Variants in C12orf42 observed in about 807,000 individuals in gnomAD.
C12orf42 encodes chromosome 12 open reading frame 42.
A neutral mutation model predicts 21.6 loss-of-function variants in C12orf42; 25 were observed. The ratio of observed to expected loss-of-function variants is 1.16; its 90% CI spans 0.84 to 1.62. The LOEUF is 1.62. Ranked by LOEUF, C12orf42 falls within the 40% of genes most tolerant of loss-of-function variation. The pLI is 0.00. For missense variants in C12orf42, 483 were observed against 459.3 expected (o/e 1.05, Z -0.47); for synonymous variants, 174 against 175.0 (o/e 0.99, Z 0.05).
chr12:103,291,549 G>C (rs1018769201), intron 4 of C12orf42, among the ~76,000 whole-genome samples: 4 of 152,148 alleles, frequency 2.6e-5, no homozygotes, highest in African/African-American at 4.8e-5. Flanking sequence ...TAGCTGACTA[G>C]CTATACTTAA....
chr12:103,066,600 G>T, the C12orf42 span, among the ~76,000 whole-genome samples: 1 of 152,218 alleles, frequency 6.6e-6, no homozygotes, highest in African/African-American at 2.4e-5. Flanking sequence ...CCAGTGGGCA[G>T]AACTTTGAGC....
At chr12:103,301,907 A>C, downstream of C12orf42, 1 of 614,050 alleles carries the variant, frequency 1.6e-6, no homozygotes, top group Non-Finnish European at 2.7e-6. Flanking sequence ...CGCAGAACAA[A>C]AATACTATTA....
chr12:103,390,773 G>A (rs552453000), intron 3 of C12orf42, among the ~76,000 whole-genome samples: 1 of 152,250 alleles, frequency 6.6e-6, no homozygotes, highest in East Asian at 1.9e-4. Flanking sequence ...CGCAAGAGAT[G>A]ACATCTTAGT....
the C12orf42 span, among the ~76,000 whole-genome samples, chr12:103,535,333 C>A: frequency 2.6e-5 from 4 of 151,838 alleles, no homozygotes; most frequent in Non-Finnish European, 5.9e-5. Flanking sequence ...ACAAGCATAA[C>A]TTATATTAGA....
the C12orf42 span, among the ~76,000 whole-genome samples, chr12:103,168,834 A>G: frequency 6.6e-6 from 1 of 152,190 alleles, no homozygotes; most frequent in Non-Finnish European, 1.5e-5. Context: ...GCAGCCATAA[A>G]AAAGAATGAG....
At chr12:103,527,482 A>G in the C12orf42 span, among the ~76,000 whole-genome samples, 1 of 152,182 alleles carries the variant, frequency 6.6e-6, no homozygotes, top group Non-Finnish European at 1.5e-5. Flanking sequence ...TAGAGCTTCT[A>G]CAGAAACCAA....
chr12:103,415,580 C>T (rs1205902897), intron 2 of C12orf42, among the ~76,000 whole-genome samples: 2 of 152,154 alleles, frequency 1.3e-5, no homozygotes, highest in Non-Finnish European at 2.9e-5. Flanking sequence ...ACCAAGAACA[C>T]TCTCAGATCA....
the C12orf42 span, among the ~76,000 whole-genome samples, chr12:103,230,428 G>C: frequency 6.6e-6 from 1 of 152,184 alleles, no homozygotes; most frequent in South Asian, 2.1e-4. Context: ...ATGAAATATA[G>C]TCATGGATGT....
In C12orf42 at chr12:103,303,158, T is replaced by A. The variant is rs534268342; in HGVS notation, c.632-599A>T. On this transcript the variant is annotated intron_variant, in intron 5 of 5. Transcript: ENST00000548883. Reference sequence around the variant, plus strand: ...ATCCACTAATACTAATAAGTTTGACTTTTTTCTTTCTTTGCCCAACGAAAT... The same window carrying A: ...ATCCACTAATACTAATAAGTTTGACATTTTTCTTTCTTTGCCCAACGAAAT... 3.3e-5 allele frequency among the ~76,000 whole-genome samples: 5 copies of A among 152,312 alleles called. No homozygotes were observed. The South Asian group carries it at 6.2e-4, about 19-fold the overall frequency.
chr12:103,222,809 C>A, the C12orf42 span, among the ~76,000 whole-genome samples: 1 of 151,832 alleles, frequency 6.6e-6, no homozygotes. Context: ...ACGCAGATGT[C>A]CCATATCAAG....
At chr12:103,350,991 A>G (rs1218975443) in intron 4 of C12orf42, among the ~76,000 whole-genome samples, 1 of 152,132 alleles carries the variant, frequency 6.6e-6, no homozygotes, top group Non-Finnish European at 1.5e-5. Flanking sequence ...TCAGTTTCAC[A>G]GGAAGTTACT....
chr12:103,173,733 A>T, the C12orf42 span, among the ~76,000 whole-genome samples: 35 of 152,092 alleles, frequency 2.3e-4, no homozygotes, highest in African/African-American at 5.5e-4. Context: ...ATTGTGCTTG[A>T]TCCTCACTTC....
the C12orf42 span, among the ~76,000 whole-genome samples, chr12:103,519,736 C>T: frequency 1.3e-5 from 2 of 152,174 alleles, 1 homozygote; most frequent in South Asian, 4.1e-4. Context: ...CCTCCATCTA[C>T]CCCTCCAACC....
chr12:103,277,540 T>C (rs1311404821), intron 4 of C12orf42, among the ~76,000 whole-genome samples: 4 of 152,144 alleles, frequency 2.6e-5, no homozygotes, highest in Non-Finnish European at 4.4e-5. Flanking sequence ...TCTCTGGTAG[T>C]TTCTGGATTA....
the C12orf42 span, among the ~76,000 whole-genome samples, chr12:103,126,900 T>A: frequency 6.6e-6 from 1 of 152,066 alleles, no homozygotes; most frequent in Non-Finnish European, 1.5e-5. Flanking sequence ...GGCATCCAAA[T>A]GAAAATAAGC....
chr12:103,285,713 T>G (rs11834052), intron 4 of C12orf42, among the ~76,000 whole-genome samples: 7,039 of 152,286 alleles, frequency 0.046, 387 homozygotes, highest in African/African-American at 0.14. Flanking sequence ...TGACAGCAAC[T>G]CCAAATAGCT....
At chr12:103,416,785 A>T (rs747708636) in intron 2 of C12orf42, among the ~76,000 whole-genome samples, 51 of 152,202 alleles carry the variant, frequency 3.4e-4, no homozygotes, top group Non-Finnish European at 6.5e-4. Context: ...GACCTTGAGA[A>T]CTGACACAGA....
the C12orf42 span, among the ~76,000 whole-genome samples, chr12:103,525,101 T>C: frequency 6.6e-6 from 1 of 152,184 alleles, no homozygotes; most frequent in Non-Finnish European, 1.5e-5. Flanking sequence ...CACTGCAGCC[T>C]CAACCTCCTG....
chr12:103,488,831 A>C (rs141482338), intron 1 of C12orf42, among the ~76,000 whole-genome samples: 321 of 152,192 alleles, frequency 2.1e-3, no homozygotes, highest in African/African-American at 7.4e-3. Context: ...TACACTGTTT[A>C]TTCTAGTTAG....
Sources: gnomAD v4.1 joint callset for allele counts (sites outside exome capture counted in the v4.1 genomes callset) on GRCh38, gnomAD v4.1.1 for gene constraint, MANE v1.5 for transcripts, NCBI Gene and HGNC (gene_info 2026-07-23, HGNC 2026-07-21) for gene names.